Variants in GLIS3 observed in about 807,000 individuals in gnomAD.
The protein encoded by GLIS3 is zinc finger protein GLIS3.
In GLIS3, 53 loss-of-function variants were observed where a neutral mutation model predicts 78.6. The ratio of observed to expected loss-of-function variants is 0.67; its 90% CI spans 0.54 to 0.85. The LOEUF is 0.85. Among genes scored for constraint, GLIS3 ranks in the 40% least tolerant of loss-of-function variants. The pLI is 0.00. For missense variants in GLIS3, 1,703 were observed against 1,231.1 expected, an observed-to-expected ratio of 1.38 and a Z score of -5.74; for synonymous variants, 684 against 509.9, an observed-to-expected ratio of 1.34 and a Z score of -4.60.
intron 4 of GLIS3, among the ~76,000 whole-genome samples, chr9:4,055,586 G>C (rs893844345): frequency 2.6e-5 from 4 of 152,214 alleles, no homozygotes; most frequent in Admixed American, 2.0e-4. Context: ...CCTTCCTACA[G>C]AAGGTTCAAC....
chr9:4,246,771 T>C (rs1245693818), intron 2 of GLIS3, among the ~76,000 whole-genome samples: 2 of 152,216 alleles, frequency 1.3e-5, no homozygotes, highest in Admixed American at 6.5e-5. Flanking sequence ...TATTTGGAGT[T>C]CTTAAACGGG....
rs541748220 is a variant in GLIS3, at chr9:3,938,205, T to A, written c.1711-1016A>T. On this transcript the variant is annotated intron_variant, in intron 4 of 10. Coordinates refer to ENST00000381971, the MANE Select transcript of GLIS3 (RefSeq NM_001042413.2). Reference sequence around the variant, plus strand: ...TTACTTAGACAGTTTTAATCCCATTTGAGTTCTCACTGGAAGGGAAACTGA... The same window carrying A: ...TTACTTAGACAGTTTTAATCCCATTAGAGTTCTCACTGGAAGGGAAACTGA... 2.0e-5 allele frequency among the ~76,000 whole-genome samples: 3 copies of A among 152,340 alleles called. No individual in the cohort carries two copies. In the South Asian group the frequency reaches 6.2e-4, roughly 32 times the overall value.
chr9:4,313,893 C>T (rs1406783830), intron 2 of GLIS3, among the ~76,000 whole-genome samples: 1 of 152,188 alleles, frequency 6.6e-6, no homozygotes, highest in Non-Finnish European at 1.5e-5. Context: ...CAAGGTCTTA[C>T]ACAGGCTTGG....
At position 4,237,266 on chromosome 9, in the gene GLIS3, C is replaced by T. The variant is rs1822852407; in HGVS notation, c.388+48772G>A. Among the ~76,000 whole-genome samples the T allele has an allele frequency of 3.3e-5, 5 of 151,802 alleles. No individual in the cohort carries two copies. The South Asian group carries it at 1.0e-3, about 32-fold the overall frequency. Reference sequence around the variant, plus strand: ...AATAATTTAAATATTAAAGGCATAGCCGGTTAAGTACAGTACAGTCTCTAG... The same window carrying T: ...AATAATTTAAATATTAAAGGCATAGTCGGTTAAGTACAGTACAGTCTCTAG... On this transcript the variant is annotated intron_variant, in intron 2 of 10. Transcript: ENST00000381971.
the GLIS3 span, among the ~76,000 whole-genome samples, chr9:4,381,887 C>A: frequency 6.6e-6 from 1 of 152,168 alleles, no homozygotes; most frequent in African/African-American, 2.4e-5. Context: ...TTCAGTGACC[C>A]AAGGTTCTGC....
intron 4 of GLIS3, among the ~76,000 whole-genome samples, chr9:3,950,090 T>A (rs1291233066): frequency 6.6e-6 from 1 of 152,196 alleles, no homozygotes; most frequent in Non-Finnish European, 1.5e-5. Context: ...AGCCTACAAG[T>A]CATTTTTGAC....
chr9:4,308,429 C>G lies in GLIS3; in HGVS notation n.584+348G>C, dbSNP rs114954078. Reference sequence around the variant, plus strand: ...GAAGGAAGGGCGCTGGAGGAGGACACAGAAGCTAGGGTGGCAACGAAGAGG... The same window carrying G: ...GAAGGAAGGGCGCTGGAGGAGGACAGAGAAGCTAGGGTGGCAACGAAGAGG... On this transcript the variant is annotated intron_variant and non_coding_transcript_variant, in intron 4 of 4. Transcript: ENST00000471664. Among the ~76,000 whole-genome samples the G allele has an allele frequency of 4.0e-3, 607 of 152,130 alleles. 5 individuals carry two copies. Among genetic ancestry groups the G allele is most frequent in the African/African-American group, 0.014 (575 of 41,492 alleles).
intron 6 of GLIS3, among the ~76,000 whole-genome samples, chr9:3,916,053 C>T (rs552130978): frequency 1.1e-3 from 174 of 152,186 alleles, no homozygotes; most frequent in African/African-American, 4.0e-3. Context: ...AGAAGAAAAT[C>T]TTAGAAACAA....
intron 8 of GLIS3, among the ~76,000 whole-genome samples, chr9:3,861,488 T>G (rs1446555615): frequency 1.3e-5 from 2 of 152,048 alleles, no homozygotes; most frequent in East Asian, 1.9e-4. Flanking sequence ...CATGCATGTG[T>G]ACGTTCATTG....
At chr9:4,477,520 T>C in the GLIS3 span, among the ~76,000 whole-genome samples, 1 of 151,968 alleles carries the variant, frequency 6.6e-6, no homozygotes, top group Non-Finnish European at 1.5e-5. Flanking sequence ...GCTCAAGTGA[T>C]CCTCCCCCCT....
chr9:4,108,878 T>TCC (rs1205272839), intron 4 of GLIS3, among the ~76,000 whole-genome samples: 4 of 152,064 alleles, frequency 2.6e-5, no homozygotes, highest in African/African-American at 9.7e-5. Context: ...TGCTCTCCGG[T>TCC]CAACAGACAA....
At chr9:4,395,504 C>A in the GLIS3 span, among the ~76,000 whole-genome samples, 2 of 152,252 alleles carry the variant, frequency 1.3e-5, no homozygotes, top group Admixed American at 6.5e-5. Flanking sequence ...GATGCTCTAG[C>A]TGAAGAAGAA....
At chr9:4,142,956 C>T (rs953304370) in intron 2 of GLIS3, among the ~76,000 whole-genome samples, 1 of 152,138 alleles carries the variant, frequency 6.6e-6, no homozygotes, top group Non-Finnish European at 1.5e-5. Flanking sequence ...CCAAATTTCA[C>T]AGGTATCCGC....
intron 9 of GLIS3, among the ~76,000 whole-genome samples, chr9:3,851,944 A>C (rs962914030): frequency 2.0e-5 from 3 of 152,120 alleles, no homozygotes; most frequent in African/African-American, 4.8e-5. Context: ...GGAGTTTGAG[A>C]TCAGTCTAGC....
chr9:4,067,162 T>A lies in GLIS3; in HGVS notation c.1710+50606A>T, dbSNP rs1588588689. On this transcript the variant is annotated intron_variant, in intron 4 of 10. Coordinates refer to ENST00000381971, the MANE Select transcript of GLIS3 (RefSeq NM_001042413.2). ...CATGTAGACTTAGAATCTTCTTTTA[T>A]TTTTTTTTAATACTTAACACCTTTG... Among the ~76,000 whole-genome samples, 3 of 58,656 alleles carry A rather than the reference T, an allele frequency of 5.1e-5. No individual in the cohort carries two copies. The South Asian group carries it at 2.1e-3, about 40-fold the overall frequency. 38.5% of individuals were successfully genotyped at this position (58,656 alleles called of 152,430 possible). A position where few individuals can be genotyped will look rare whatever the true frequency, so the allele number is the denominator to read the frequency against.
chr9:4,355,680 C>T, the GLIS3 span, among the ~76,000 whole-genome samples: 1 of 152,186 alleles, frequency 6.6e-6, no homozygotes, highest in African/African-American at 2.4e-5. Context: ...GGGACACTAA[C>T]TCAGCAAACC....
At chr9:3,964,027 C>T (rs1300536949) in intron 4 of GLIS3, among the ~76,000 whole-genome samples, 2 of 152,080 alleles carry the variant, frequency 1.3e-5, no homozygotes, top group South Asian at 2.1e-4. Context: ...ACTGCGTCCC[C>T]GCACACTAAC....
At chr9:4,350,212 G>A (rs1043278619), upstream of GLIS3, among the ~76,000 whole-genome samples, 1 of 152,166 alleles carries the variant, frequency 6.6e-6, no homozygotes, top group African/African-American at 2.4e-5. Flanking sequence ...CCACCGCATG[G>A]CCATGTTTGC....
At chr9:4,392,427 G>A in the GLIS3 span, among the ~76,000 whole-genome samples, 1 of 152,084 alleles carries the variant, frequency 6.6e-6, no homozygotes, top group Non-Finnish European at 1.5e-5. Context: ...AATAACAAAT[G>A]TTTATCTTTC....
Sources: gnomAD v4.1 joint callset for allele counts (sites outside exome capture counted in the v4.1 genomes callset) on GRCh38, gnomAD v4.1.1 for gene constraint, MANE v1.5 for transcripts, NCBI Gene and HGNC (gene_info 2026-07-23, HGNC 2026-07-21) for gene names.